Variants in FHIP1A observed in about 807,000 individuals in gnomAD.
The protein encoded by FHIP1A is FHF complex subunit HOOK-interacting protein 1A.
A neutral mutation model predicts 88.6 loss-of-function variants in FHIP1A; 61 were observed. That is an observed-to-expected ratio of 0.69 (90% confidence interval 0.56 to 0.85). The LOEUF is 0.85. Ranked by LOEUF, FHIP1A falls within the 40% of genes least tolerant of loss-of-function variation. The pLI is 0.00. For synonymous variants in FHIP1A, 478 were observed against 496.0 expected, an observed-to-expected ratio of 0.96 and a Z score of 0.48; for missense variants, 1,154 against 1,273.5, an observed-to-expected ratio of 0.91 and a Z score of 1.43.
intron 7 of FHIP1A, among the ~76,000 whole-genome samples, chr4:151,593,821 G>A (rs971582505): frequency 1.3e-5 from 2 of 152,144 alleles, no homozygotes; most frequent in African/African-American, 4.8e-5. Context: ...GTGAGAGAGG[G>A]CATCCTTGTC....
chr4:151,662,023 A>AGT lies in FHIP1A; in HGVS notation c.2870-476_2870-475dup, dbSNP rs527515410. On this transcript the variant is annotated intron_variant, in intron 13 of 13. Coordinates refer to ENST00000435205, the MANE Select transcript of FHIP1A (RefSeq NM_001109977.3). ...GGAGCACCCGCTGCAGAGAGCTTGG[A>AGT]GTGACCCATTTCACCCAGCCTCCCT... Among the ~76,000 whole-genome samples the AGT allele has an allele frequency of 2.7e-3, 405 of 152,336 alleles. 1 individual carries two copies. The highest frequency in any genetic ancestry group is 3.9e-3 in the Non-Finnish European group (267 of 68,020).
intron 7 of FHIP1A, among the ~76,000 whole-genome samples, chr4:151,591,806 A>G (rs1416442541): frequency 6.6e-6 from 1 of 152,062 alleles, no homozygotes; most frequent in African/African-American, 2.4e-5. Flanking sequence ...TGCATATTCC[A>G]TGGTGTATTC....
At chr4:151,654,625 A>T (rs1578868286) in intron 11 of FHIP1A, among the ~76,000 whole-genome samples, 2 of 152,128 alleles carry the variant, frequency 1.3e-5, no homozygotes, top group South Asian at 4.1e-4. Flanking sequence ...CCCCCTCTAG[A>T]TCTACCTTGA....
intron 1 of FHIP1A, among the ~76,000 whole-genome samples, chr4:151,412,584 TTTCCTTCCTTCCTTCC>T (rs1193555902): frequency 1.2e-4 from 14 of 115,250 alleles, no homozygotes; most frequent in African/African-American, 4.8e-4. Flanking sequence ...CTTTCCTTTC[TTTCCTTCCTTCCTTCC>T]TTCCTTCCTT....
chr4:151,499,423 T>A (rs1465394703), intron 3 of FHIP1A, among the ~76,000 whole-genome samples: 8 of 152,346 alleles, frequency 5.3e-5, no homozygotes, highest in African/African-American at 1.9e-4. Context: ...AAGTTCAGCC[T>A]GGTGATCTGA....
At chr4:151,416,659 T>A (rs1267833495) in intron 1 of FHIP1A, among the ~76,000 whole-genome samples, 1 of 152,236 alleles carries the variant, frequency 6.6e-6, no homozygotes, top group Non-Finnish European at 1.5e-5. Context: ...AAAAAATGTT[T>A]CTTGATTTTC....
chr4:151,630,433 G>A (rs940709786), intron 8 of FHIP1A, among the ~76,000 whole-genome samples: 2 of 152,084 alleles, frequency 1.3e-5, no homozygotes, highest in African/African-American at 2.4e-5. Context: ...TATATCATTC[G>A]GTTTGCAACA....
intron 7 of FHIP1A, 56 bp from the exon 8 acceptor site, chr4:151,629,646 G>A (rs984023789): frequency 1.9e-5 from 29 of 1,494,226 alleles, no homozygotes; most frequent in Middle Eastern, 1.7e-4. Flanking sequence ...CGGGAGAGGC[G>A]TGTATCACAG....
At chr4:151,528,998 C>G (rs1442351183) in intron 3 of FHIP1A, among the ~76,000 whole-genome samples, 1 of 152,178 alleles carries the variant, frequency 6.6e-6, no homozygotes, top group Non-Finnish European at 1.5e-5. Flanking sequence ...TAGCCTGTCT[C>G]TGTGAGAGGC....
intron 4 of FHIP1A, among the ~76,000 whole-genome samples, chr4:151,573,201 T>C (rs1733658511): frequency 6.6e-6 from 1 of 152,132 alleles, no homozygotes; most frequent in African/African-American, 2.4e-5. Context: ...TTTTATGTGT[T>C]TCTTTCTTTT....
intron 1 of FHIP1A, among the ~76,000 whole-genome samples, chr4:151,429,848 C>CAAA (rs34699507): frequency 1.1e-4 from 12 of 105,546 alleles, no homozygotes; most frequent in Non-Finnish European, 1.2e-4. Flanking sequence ...GACTCTATCT[C>CAAA]AAAAAAAAAA....
rs1301998848 is a variant in FHIP1A at position 151,629,783 on chromosome 4, A to G, written c.1060A>G (p.Ile354Val). The change falls in exon 8 of 14, where the codon ATC becomes GTC. Residue 354 changes from isoleucine to valine, a missense_variant. Ile to Val is a conservative substitution (Grantham distance 29). Transcript: ENST00000435205. ...CATCTCCGAGCCAGCACTACTTGAG[A>G]TCTTCCTCCGTTTTATCCTATTGCA... is the stretch of plus-strand genomic sequence containing the variant. ...RSISEPALLE[I>V]FLRFILLHQH... is the part of the protein sequence containing the mutation. 6.4e-7 allele frequency: 1 copy of G among 1,551,294 alleles called. No homozygotes were observed. The highest frequency in any genetic ancestry group is 2.4e-5 in the East Asian group (1 of 40,922).
rs1043976892 is a variant in FHIP1A at position 151,665,658 on chromosome 4, C to T, written c.*2904C>T. Among the ~76,000 whole-genome samples the T allele has an allele frequency of 6.6e-5, 10 of 151,968 alleles. No individual in the cohort carries two copies. Among genetic ancestry groups the T allele is most frequent in the East Asian group, 1.9e-4 (1 of 5,184 alleles). On this transcript the variant is annotated 3_prime_UTR_variant, in exon 14 of 14. Coordinates refer to ENST00000435205, the MANE Select transcript of FHIP1A (RefSeq NM_001109977.3). ...TCGGGGGAGTGAACATTGATCTAGGCGGATATGAAGAAACCAGGGAGTGGG... is the reference window on the plus strand; with the variant it reads ...TCGGGGGAGTGAACATTGATCTAGGTGGATATGAAGAAACCAGGGAGTGGG...
At chr4:151,621,949 G>C (rs1735762722) in intron 7 of FHIP1A, among the ~76,000 whole-genome samples, 1 of 152,110 alleles carries the variant, frequency 6.6e-6, no homozygotes, top group Non-Finnish European at 1.5e-5. Context: ...TAACTACCCT[G>C]CTAAGGAAGG....
chr4:151,612,820 A>G (rs966624955), intron 7 of FHIP1A, among the ~76,000 whole-genome samples: 7 of 152,160 alleles, frequency 4.6e-5, no homozygotes, highest in African/African-American at 1.7e-4. Flanking sequence ...GAAAGGAACA[A>G]TATTTTTATT....
At chr4:151,415,811 A>C (rs1400295898) in intron 1 of FHIP1A, among the ~76,000 whole-genome samples, 2 of 152,170 alleles carry the variant, frequency 1.3e-5, no homozygotes, top group Non-Finnish European at 2.9e-5. Flanking sequence ...GGTAAGGTTC[A>C]CCTCATTTCC....
At chr4:151,658,152 C>T (rs1286824810) in intron 13 of FHIP1A, among the ~76,000 whole-genome samples, 1 of 152,174 alleles carries the variant, frequency 6.6e-6, no homozygotes, top group Non-Finnish European at 1.5e-5. Flanking sequence ...CATGTGGCCT[C>T]CTTAGACACA....
chr4:151,424,284 A>C (rs1052898732), intron 1 of FHIP1A, among the ~76,000 whole-genome samples: 1 of 152,192 alleles, frequency 6.6e-6, no homozygotes, highest in African/African-American at 2.4e-5. Flanking sequence ...ATCTAGAATT[A>C]CATCGTTGGT....
chr4:151,488,369 T>A (rs962306461), intron 3 of FHIP1A, among the ~76,000 whole-genome samples: 9 of 152,194 alleles, frequency 5.9e-5, no homozygotes, highest in African/African-American at 1.9e-4. Context: ...TTGTTCCCAC[T>A]TATAAGTGAG....
Sources: allele counts gnomAD v4.1 joint callset (sites outside exome capture counted in the v4.1 genomes callset), GRCh38; gene constraint gnomAD v4.1.1; transcripts MANE v1.5; gene names NCBI Gene and HGNC (gene_info 2026-07-23, HGNC 2026-07-21).